Variants in TULP4 observed in about 807,000 individuals in gnomAD.
TULP4 encodes tubby-related protein 4.
A neutral mutation model predicts 129.0 loss-of-function variants in TULP4; 16 were observed. The observed-to-expected ratio is 0.12, with a 90% CI of 0.08 to 0.19. The LOEUF (loss-of-function observed/expected upper bound fraction) is 0.19. TULP4 is among the 10% of genes least tolerant of loss of function. The pLI, the probability that TULP4 is intolerant of heterozygous loss-of-function variation, is 1.00. For synonymous variants in TULP4, 998 were observed against 854.0 expected (o/e 1.17, Z -2.94); for missense variants, 1,842 against 2,059.1 (o/e 0.89, Z 2.04).
At chr6:158,372,180 T>TTA (rs1458196779) in intron 1 of TULP4, among the ~76,000 whole-genome samples, 1 of 146,474 alleles carries the variant, frequency 6.8e-6, no homozygotes, top group Non-Finnish European at 1.5e-5. Flanking sequence ...TTTTTTTTTT[T>TTA]AAAGAAAAAG....
chr6:158,242,033 C>T, intron 1 of TULP4: 4 of 797,630 alleles, frequency 5.0e-6, no homozygotes, highest in Non-Finnish European at 9.1e-6. Context: ...TTTGCAATTA[C>T]ATCTAGTAAC....
At chr6:158,440,194 T>C (rs1432621195) in intron 3 of TULP4, among the ~76,000 whole-genome samples, 1 of 151,124 alleles carries the variant, frequency 6.6e-6, no homozygotes, top group Non-Finnish European at 1.5e-5. Context: ...GGGGCACACA[T>C]ATAGTCTCAG....
chr6:158,314,335 G>A lies in TULP4; in HGVS notation c.252+67G>A. 7 of 1,553,156 alleles carry A rather than the reference G, an allele frequency of 4.5e-6. No homozygotes were observed. The South Asian group carries it at 8.3e-5, about 18-fold the overall frequency. On this transcript the variant is annotated intron_variant, in intron 1 of 13. Transcript: ENST00000367097. Reference sequence around the variant, plus strand: ...GTGTTTTTGAGCCCCTTGTGGACTTGAAACTTCCTTCATTTCAGTTTCATA... The same window carrying A: ...GTGTTTTTGAGCCCCTTGTGGACTTAAAACTTCCTTCATTTCAGTTTCATA...
At chr6:158,447,114 G>C (rs758600760) in intron 3 of TULP4, among the ~76,000 whole-genome samples, 70 of 152,034 alleles carry the variant, frequency 4.6e-4, no homozygotes, top group Non-Finnish European at 7.6e-4. Context: ...GTACAGCTTA[G>C]TTAAAGTTAT....
intron 1 of TULP4, among the ~76,000 whole-genome samples, chr6:158,328,779 G>T (rs968868919): frequency 2.6e-5 from 4 of 152,008 alleles, no homozygotes; most frequent in Non-Finnish European, 5.9e-5. Flanking sequence ...GACTCATCTT[G>T]TGCAGTTCAT....
intron 1 of TULP4, among the ~76,000 whole-genome samples, chr6:158,294,832 A>G (rs116254055): frequency 0.032 from 4,812 of 152,202 alleles, 100 homozygotes; most frequent in Non-Finnish European, 0.041. Context: ...CCCAAGCTCA[A>G]GCCATCCTCC....
At chr6:158,252,976 G>A (rs568681156) in intron 1 of TULP4, among the ~76,000 whole-genome samples, 7 of 152,314 alleles carry the variant, frequency 4.6e-5, no homozygotes, top group African/African-American at 1.7e-4. Flanking sequence ...TTAGGCATTG[G>A]TCTTATTAGA....
In TULP4 at chr6:158,449,044, G is replaced by A. The variant is rs771873011; in HGVS notation, c.592G>A (p.Gly198Ser). ...GCAGGTGATTGTCATGGATTGCCAC[G>A]GCAGAATGCTGGCCCACGTCCTCTT... Reference protein sequence around the residue: ...DGQVIVMDCHGRMLAHVLLHE... With the variant: ...DGQVIVMDCHSRMLAHVLLHE... Residue 198 changes from glycine (G) to serine (S), a missense_variant, in exon 4 of 14, where the codon GGC becomes AGC. Transcript: ENST00000367097. 29 of 1,613,880 alleles carry A rather than the reference G, an allele frequency of 1.8e-5. No individual in the cohort carries two copies. Among genetic ancestry groups the A allele is most frequent in the Non-Finnish European group, 2.3e-5 (27 of 1,179,822 alleles).
chr6:158,397,586 C>T (rs1450337519), intron 1 of TULP4, among the ~76,000 whole-genome samples: 1 of 151,318 alleles, frequency 6.6e-6, no homozygotes, highest in African/African-American at 2.4e-5. Context: ...TGTTTTTTGT[C>T]ATCAGCTATT....
chr6:158,262,618 C>G (rs2128458114), intron 1 of TULP4, among the ~76,000 whole-genome samples: 1 of 152,246 alleles, frequency 6.6e-6, no homozygotes, highest in South Asian at 2.1e-4. Context: ...ACTGTTACCC[C>G]TCCCTGCATT....
At chr6:158,240,926 C>A (rs1020435907) in intron 1 of TULP4, among the ~76,000 whole-genome samples, 48 of 147,628 alleles carry the variant, frequency 3.3e-4, no homozygotes, top group Admixed American at 5.4e-4. Context: ...GGCTGCCGGG[C>A]GGAGAGGCTC....
chr6:158,425,153 CAAAAAAA>C (rs562712423), intron 2 of TULP4, among the ~76,000 whole-genome samples: 35 of 39,800 alleles, frequency 8.8e-4, no homozygotes, highest in Non-Finnish European at 1.2e-3. Context: ...GACACCATCT[CAAAAAAA>C]AAAAAAAAAA....
intron 1 of TULP4, among the ~76,000 whole-genome samples, chr6:158,238,977 G>A (rs1777785271): frequency 7.0e-6 from 1 of 142,562 alleles, no homozygotes; most frequent in African/African-American, 2.5e-5. Context: ...CCGGGCAGAG[G>A]GGCTCCTCAC....
At chr6:158,399,702 CA>C (rs1354274730) in intron 1 of TULP4, among the ~76,000 whole-genome samples, 3 of 152,088 alleles carry the variant, frequency 2.0e-5, no homozygotes, top group Non-Finnish European at 4.4e-5. Context: ...GTGTGCCAGA[CA>C]GTTTTTGTTT....
At chr6:158,245,265 G>A (rs1383652554) in intron 1 of TULP4, among the ~76,000 whole-genome samples, 1 of 151,958 alleles carries the variant, frequency 6.6e-6, no homozygotes, top group Non-Finnish European at 1.5e-5. Flanking sequence ...GAAGTGTTGG[G>A]GTTACAGGTG....
chr6:158,393,444 A>G lies in TULP4; in HGVS notation c.253-19621A>G, dbSNP rs111469403. Reference sequence around the variant, plus strand: ...GGGCTCCAACCCCACATTTCCCCTCACATTGCCTTAGTAAAGGTTCTCCAT... The same window carrying G: ...GGGCTCCAACCCCACATTTCCCCTCGCATTGCCTTAGTAAAGGTTCTCCAT... On this transcript the variant is annotated intron_variant, in intron 1 of 13. Coordinates refer to ENST00000367097, the MANE Select transcript of TULP4 (RefSeq NM_020245.5). Among the ~76,000 whole-genome samples the G allele has an allele frequency of 4.0e-3, 616 of 152,290 alleles. 11 individuals are homozygous for G. Among genetic ancestry groups the G allele is most frequent in the African/African-American group, 0.014 (572 of 41,554 alleles).
chr6:158,370,552 T>C (rs1777049472), intron 1 of TULP4, among the ~76,000 whole-genome samples: 1 of 137,418 alleles, frequency 7.3e-6, no homozygotes, highest in Non-Finnish European at 1.6e-5. Flanking sequence ...AAATAATAAA[T>C]AATAAAAATA....
chr6:158,274,886 C>A (rs531472503), intron 1 of TULP4, among the ~76,000 whole-genome samples: 1 of 152,234 alleles, frequency 6.6e-6, no homozygotes, highest in East Asian at 1.9e-4. Flanking sequence ...AAACCCCCAA[C>A]GTCCTGGTCT....
intron 3 of TULP4, among the ~76,000 whole-genome samples, chr6:158,444,055 TA>T (rs369814360): frequency 0.032 from 4,872 of 151,296 alleles, 106 homozygotes; most frequent in Middle Eastern, 0.058. Flanking sequence ...CCGTCTCTAC[TA>T]AAAAATACAA....
Sources: allele counts gnomAD v4.1 joint callset (sites outside exome capture counted in the v4.1 genomes callset), GRCh38; gene constraint gnomAD v4.1.1; transcripts MANE v1.5; gene names NCBI Gene and HGNC (gene_info 2026-07-23, HGNC 2026-07-21).